Variants in DOCK5 observed in about 807,000 individuals in gnomAD.
DOCK5 encodes dedicator of cytokinesis 5, also known as dedicator of cytokinesis protein 5.
In DOCK5, 142 loss-of-function variants were observed where a neutral mutation model predicts 251.8. The observed-to-expected ratio is 0.56, with a 90% CI of 0.49 to 0.65. The LOEUF (loss-of-function observed/expected upper bound fraction) is 0.65. Ranked by LOEUF, DOCK5 falls within the 30% of genes least tolerant of loss-of-function variation. The pLI, the probability that DOCK5 is intolerant of heterozygous loss-of-function variation, is 0.00. For missense variants in DOCK5, 2,111 were observed against 2,312.3 expected (o/e 0.91, Z 1.79); for synonymous variants, 842 against 835.5 (o/e 1.01, Z -0.13).
Position 25,392,074 on chromosome 8 carries a change from C to T in DOCK5, c.4440+94C>T, listed in dbSNP as rs954036721. On this transcript the variant is annotated intron_variant, in intron 43 of 51. Coordinates refer to ENST00000276440, the MANE Select transcript of DOCK5 (RefSeq NM_024940.8). ...ATCCCAGCATTCTGGGAGGCCGATGCGGGCGGATCACGAAGTCAAGAGATC... is the reference window on the plus strand; with the variant it reads ...ATCCCAGCATTCTGGGAGGCCGATGTGGGCGGATCACGAAGTCAAGAGATC... 37 of 1,176,630 alleles carry T rather than the reference C, an allele frequency of 3.1e-5. No homozygotes were observed. The Admixed American group carries it at 4.4e-4, about 14-fold the overall frequency. The allele number at this position is 1,176,630 out of a possible 1,614,324, so 72.9% of individuals were successfully genotyped here. A position where few individuals can be genotyped will look rare whatever the true frequency, so the allele number is the denominator to read the frequency against.
At chr8:25,241,413 G>A (rs144044672) in intron 1 of DOCK5, among the ~76,000 whole-genome samples, 87 of 152,130 alleles carry the variant, frequency 5.7e-4, no homozygotes, top group African/African-American at 2.0e-3. Flanking sequence ...AGGAGGTGGA[G>A]GTTGCAGTGA....
chr8:25,203,515 C>T (rs1801927998), intron 1 of DOCK5, among the ~76,000 whole-genome samples: 1 of 152,294 alleles, frequency 6.6e-6, no homozygotes, highest in African/African-American at 2.4e-5. Context: ...TATTTTCTTT[C>T]CTGAATGAGA....
chr8:25,410,662 A>G (rs866502205), intron 51 of DOCK5, among the ~76,000 whole-genome samples: 2 of 150,950 alleles, frequency 1.3e-5, no homozygotes, highest in Non-Finnish European at 2.9e-5. Flanking sequence ...GGGTCTCTCC[A>G]TATTGCCCAG....
At chr8:25,351,660 C>A in intron 26 of DOCK5, 71 bp from the exon 27 acceptor site, 12 of 1,203,236 alleles carry the variant, frequency 1.0e-5, no homozygotes, top group African/African-American at 1.5e-5. Flanking sequence ...CAAAACTCAT[C>A]TATCTGAGGT....
intron 1 of DOCK5, among the ~76,000 whole-genome samples, chr8:25,192,608 C>T (rs1483470039): frequency 6.6e-6 from 1 of 152,138 alleles, no homozygotes; most frequent in Non-Finnish European, 1.5e-5. Context: ...TGAGCTCAAG[C>T]GATTCTCCCA....
chr8:25,411,388 C>A lies in DOCK5; in HGVS notation c.*90C>A. On this transcript the variant is annotated 3_prime_UTR_variant, in exon 52 of 52. Coordinates refer to ENST00000276440, the MANE Select transcript of DOCK5 (RefSeq NM_024940.8). ...CCGGTGTCCTCATTCCATGGGGCTCCCTGCTGACTGCATTTCCTGATCTGG... is the reference window on the plus strand; with the variant it reads ...CCGGTGTCCTCATTCCATGGGGCTCACTGCTGACTGCATTTCCTGATCTGG... 1 of 1,332,908 alleles carries A rather than the reference C, an allele frequency of 7.5e-7. No individual in the cohort carries two copies. Among genetic ancestry groups the A allele is most frequent in the Non-Finnish European group, 9.7e-7 (1 of 1,035,524 alleles). 82.6% of individuals were successfully genotyped at this position (1,332,908 alleles called of 1,614,324 possible).
At chr8:25,378,140 G>T (rs762348418) in intron 38 of DOCK5, among the ~76,000 whole-genome samples, 2 of 152,044 alleles carry the variant, frequency 1.3e-5, no homozygotes, top group African/African-American at 4.8e-5. Flanking sequence ...GGCTGATATC[G>T]CATGGCTCAC....
intron 5 of DOCK5, among the ~76,000 whole-genome samples, chr8:25,290,394 C>T (rs1489160856): frequency 1.3e-5 from 2 of 152,116 alleles, no homozygotes; most frequent in African/African-American, 2.4e-5. Context: ...TCAAAGCCAT[C>T]CAGGGCCACA....
intron 35 of DOCK5, among the ~76,000 whole-genome samples, chr8:25,373,175 T>G (rs13268922): frequency 0.46 from 70,020 of 151,700 alleles, 16,376 homozygotes; most frequent in Middle Eastern, 0.54. Context: ...AATTTTTGTA[T>G]TTTTAGTAGA....
intron 4 of DOCK5, chr8:25,277,234 A>G (rs1470104600): frequency 6.5e-6 from 1 of 153,478 alleles, no homozygotes. Flanking sequence ...TCTTGATTCC[A>G]CAAGAAGTGA....
At position 25,320,965 on chromosome 8, in the gene DOCK5, C is replaced by T. The variant is rs565302433; in HGVS notation, c.1543-15C>T. On this transcript the variant is annotated splice_polypyrimidine_tract_variant and intron_variant, in intron 15 of 51. Coordinates refer to ENST00000276440, the MANE Select transcript of DOCK5 (RefSeq NM_024940.8). The stretch of plus-strand genomic sequence containing the variant: ...CTGTGTGTCTGTAAACTATTAATTT[C>T]TTACTATGACACAGGTATCCATTGC... 2.5e-5 allele frequency: 40 copies of T among 1,609,058 alleles called. No individual in the cohort carries two copies. The highest frequency in any genetic ancestry group is 4.0e-5 in the African/African-American group (3 of 74,944).
intron 35 of DOCK5, 99 bp downstream of exon 35, chr8:25,372,817 C>T (rs1800897874): frequency 1.6e-6 from 2 of 1,213,536 alleles, no homozygotes; most frequent in Non-Finnish European, 2.2e-6. Context: ...CAGAGGCGCC[C>T]TGAGGCACCT....
chr8:25,229,737 A>T (rs1171412606), intron 1 of DOCK5, among the ~76,000 whole-genome samples: 1 of 152,138 alleles, frequency 6.6e-6, no homozygotes, highest in African/African-American at 2.4e-5. Context: ...ATATTTAATA[A>T]TTCATAGACC....
chr8:25,193,355 AT>A (rs796086651), intron 1 of DOCK5, among the ~76,000 whole-genome samples: 60 of 143,032 alleles, frequency 4.2e-4, no homozygotes, highest in African/African-American at 5.9e-4. Flanking sequence ...TCTAACGTGT[AT>A]TTTTTTTTTT....
At chr8:25,407,445 G>GA (rs1801541635) in intron 48 of DOCK5, among the ~76,000 whole-genome samples, 1 of 152,014 alleles carries the variant, frequency 6.6e-6, no homozygotes, top group Non-Finnish European at 1.5e-5. Flanking sequence ...CACTTCCTGG[G>GA]ATAAGATACT....
chr8:25,309,982 A>C (rs1805045318), intron 12 of DOCK5, among the ~76,000 whole-genome samples: 1 of 152,228 alleles, frequency 6.6e-6, no homozygotes, highest in Non-Finnish European at 1.5e-5. Context: ...TTTCTTAAGT[A>C]GCAAGAAAAT....
At chr8:25,188,074 C>T (rs1024137888) in intron 1 of DOCK5, among the ~76,000 whole-genome samples, 102 of 152,260 alleles carry the variant, frequency 6.7e-4, no homozygotes, top group African/African-American at 2.2e-3. Flanking sequence ...GTTGGGGTGC[C>T]GTTCTAAAGT....
chr8:25,368,870 C>T, intron 33 of DOCK5, 145 bp downstream of exon 33: 1 of 1,021,764 alleles, frequency 9.8e-7, no homozygotes, highest in Non-Finnish European at 1.4e-6. Context: ...TTTTATAAAG[C>T]AATTAGAGAT....
At chr8:25,221,754 A>G (rs1802396968) in intron 1 of DOCK5, among the ~76,000 whole-genome samples, 1 of 152,218 alleles carries the variant, frequency 6.6e-6, no homozygotes. Context: ...TAATCCTCAC[A>G]GGAATCATGC....
Sources: allele counts gnomAD v4.1 joint callset (sites outside exome capture counted in the v4.1 genomes callset), GRCh38; gene constraint gnomAD v4.1.1; transcripts MANE v1.5; gene names NCBI Gene and HGNC (gene_info 2026-07-23, HGNC 2026-07-21).